PARP15: variants seen among roughly 807,000 people sequenced by gnomAD.
PARP15 encodes poly(ADP-ribose) polymerase family member 15.
Under a neutral mutation model 62.1 loss-of-function variants are expected in PARP15, and 50 were observed. The observed-to-expected ratio is 0.81, with a 90% CI of 0.64 to 1.02. The LOEUF (loss-of-function observed/expected upper bound fraction) is 1.02, where lower values mean the gene tolerates loss of function less well. Among genes scored for constraint, PARP15 ranks in the 50% least tolerant of loss-of-function variants. PARP15 has a pLI of 0.00. For missense variants in PARP15, 820 were observed against 826.5 expected (o/e 0.99, Z 0.10); for synonymous variants, 309 against 293.1 (o/e 1.05, Z -0.55).
At chr3:122,605,818 G>C in intron 1 of PARP15, 118 bp from the exon 2 acceptor site, 1 of 1,016,632 alleles carries the variant, frequency 9.8e-7, no homozygotes, top group Non-Finnish European at 1.4e-6. Flanking sequence ...CTGGGCTCAA[G>C]TGATTCTCCC....
intron 1 of PARP15, among the ~76,000 whole-genome samples, chr3:122,578,742 AAAAAG>A (rs944407159): frequency 6.6e-6 from 1 of 152,188 alleles, no homozygotes; most frequent in African/African-American, 2.4e-5. Flanking sequence ...TTTAAAAAAA[AAAAAG>A]AAAAGCTCTT....
chr3:122,602,913 G>A (rs1230884699), intron 1 of PARP15, among the ~76,000 whole-genome samples: 3 of 152,160 alleles, frequency 2.0e-5, no homozygotes, highest in Non-Finnish European at 4.4e-5. Flanking sequence ...TGTTGACAGT[G>A]GTGCCATTTT....
chr3:122,581,182 T>A (rs962956856), intron 1 of PARP15, among the ~76,000 whole-genome samples: 22 of 152,212 alleles, frequency 1.4e-4, no homozygotes, highest in African/African-American at 5.3e-4. Flanking sequence ...CAGATTACTG[T>A]ATCTCTTCAA....
In PARP15 at chr3:122,622,365, T is replaced by G. The variant is rs146844611; in HGVS notation, c.1231+754T>G. 5.1e-3 allele frequency among the ~76,000 whole-genome samples: 780 copies of G among 152,320 alleles called. 8 individuals are homozygous for G. The highest frequency in any genetic ancestry group is 0.018 in the African/African-American group (739 of 41,562). On this transcript the variant is annotated intron_variant, in intron 8 of 11. Transcript: ENST00000464300. ...GACACTCCTCTTGAGCTCCTGGGCT[T>G]TCTCGTTTCCTCCTTTGGTGGTGCC...
At chr3:122,614,205 TA>T (rs1371684818) in intron 4 of PARP15, among the ~76,000 whole-genome samples, 8 of 152,162 alleles carry the variant, frequency 5.3e-5, no homozygotes, top group African/African-American at 1.9e-4. Flanking sequence ...TTCTAACTAT[TA>T]AAACGGGTGT....
chr3:122,605,905 T>G, intron 1 of PARP15, 31 bp from the exon 2 acceptor site: 2 of 1,546,214 alleles, frequency 1.3e-6, no homozygotes, highest in South Asian at 2.4e-5. Context: ...AAATTGGCAT[T>G]GCTGGTAATG....
chr3:122,625,071 T>C (rs1043250734), intron 8 of PARP15, among the ~76,000 whole-genome samples: 9 of 152,118 alleles, frequency 5.9e-5, no homozygotes, highest in Non-Finnish European at 1.3e-4. Context: ...TATTCTTACC[T>C]ACCATATTCT....
chr3:122,607,889 C>T (rs896177541), intron 2 of PARP15, among the ~76,000 whole-genome samples: 2 of 152,188 alleles, frequency 1.3e-5, no homozygotes, highest in Admixed American at 6.5e-5. Context: ...ACCCGTGTTT[C>T]GGTACACACC....
At chr3:122,606,760 G>C (rs766252490) in intron 2 of PARP15, among the ~76,000 whole-genome samples, 3 of 152,190 alleles carry the variant, frequency 2.0e-5, no homozygotes, top group African/African-American at 7.2e-5. Flanking sequence ...AGCATTCCAA[G>C]TGATTATCTT....
rs1037018969 is a variant in PARP15 at position 122,637,989 on chromosome 3, C to T, written c.*1889C>T. ...AACAGGCCCCGGTGTGTGATGTTCC[C>T]CTTCCTGTGTCCATGTGTTCTCATT... On this transcript the variant is annotated 3_prime_UTR_variant, in exon 12 of 12. Coordinates refer to ENST00000464300, the MANE Select transcript of PARP15 (RefSeq NM_001113523.3). 1 of 152,152 alleles carries T rather than the reference C, an allele frequency of 6.6e-6. No homozygotes were observed. The highest frequency in any genetic ancestry group is 6.5e-5 in the Admixed American group (1 of 15,272). The allele number at this position is 152,152 out of a possible 1,614,324, so 9.4% of individuals were successfully genotyped here.
At chr3:122,603,797 A>C (rs1934977616) in intron 1 of PARP15, among the ~76,000 whole-genome samples, 1 of 152,190 alleles carries the variant, frequency 6.6e-6, no homozygotes, top group African/African-American at 2.4e-5. Context: ...TTCTTGAGCA[A>C]ATGAAAGTAT....
At chr3:122,582,798 C>T (rs1933067031) in intron 1 of PARP15, among the ~76,000 whole-genome samples, 1 of 152,042 alleles carries the variant, frequency 6.6e-6, no homozygotes, top group African/African-American at 2.4e-5. Context: ...TAAAGTTTTG[C>T]CATAGCTTAC....
At chr3:122,586,801 A>T (rs1346405545) in intron 1 of PARP15, among the ~76,000 whole-genome samples, 2 of 151,706 alleles carry the variant, frequency 1.3e-5, no homozygotes, top group African/African-American at 4.8e-5. Flanking sequence ...ACATTGACAC[A>T]TCATTATCAC....
Position 122,632,167 on chromosome 3 carries a change from A to G in PARP15, c.1520A>G (p.Asn507Ser), listed in dbSNP as rs753889038. Residue 507 changes from asparagine (N) to serine (S), a missense_variant, in exon 10 of 12, where the codon AAT becomes AGT. Coordinates refer to ENST00000464300, the MANE Select transcript of PARP15 (RefSeq NM_001113523.3). ...VQLEPGQSEY[N>S]TIKDKFTRTC... ...CTAGAGCCAGGACAATCAGAATATA[A>G]TACCATAAAGGACAAGTTCACCCGA... is the stretch of plus-strand genomic sequence containing the variant. 1.2e-6 allele frequency: 2 copies of G among 1,613,860 alleles called. No homozygotes were observed. The highest frequency in any genetic ancestry group is 1.7e-6 in the Non-Finnish European group (2 of 1,179,900).
At chr3:122,632,266 C>T (rs1476965915) in intron 10 of PARP15, 47 bp downstream of exon 10, 6 of 1,554,898 alleles carry the variant, frequency 3.9e-6, no homozygotes, top group Admixed American at 1.7e-5. Context: ...GATGAACTAA[C>T]ATAAAAGCTA....
intron 3 of PARP15, 61 bp from the exon 4 acceptor site, chr3:122,612,980 C>A: frequency 7.1e-7 from 1 of 1,417,370 alleles, no homozygotes. Context: ...GGGACCACAA[C>A]TCTTTCTGTT....
intron 2 of PARP15, among the ~76,000 whole-genome samples, chr3:122,608,402 G>A (rs1210879033): frequency 1.3e-5 from 2 of 151,852 alleles, no homozygotes; most frequent in Non-Finnish European, 2.9e-5. Context: ...TTTTAGTAGA[G>A]ACCGGGTTTT....
At chr3:122,634,043 G>A (rs1477911935) in intron 10 of PARP15, among the ~76,000 whole-genome samples, 2 of 152,060 alleles carry the variant, frequency 1.3e-5, no homozygotes, top group Non-Finnish European at 1.5e-5. Flanking sequence ...CTCTCCCGGA[G>A]GCCTCCACTA....
chr3:122,602,655 G>A (rs545830012), intron 1 of PARP15, among the ~76,000 whole-genome samples: 7 of 152,140 alleles, frequency 4.6e-5, no homozygotes, highest in African/African-American at 1.4e-4. Flanking sequence ...TTCAAAAATA[G>A]TAATGACCTT....
Sources: gnomAD v4.1 joint callset for allele counts (sites outside exome capture counted in the v4.1 genomes callset) on GRCh38, gnomAD v4.1.1 for gene constraint, MANE v1.5 for transcripts, NCBI Gene and HGNC (gene_info 2026-07-23, HGNC 2026-07-21) for gene names.